The following NBEA variants were observed in gnomAD, a reference collection of about 807,000 sequenced individuals.
The protein encoded by NBEA is neurobeachin.
NBEA carries 44 observed loss-of-function variants against 343.4 expected under a neutral mutation model. The observed-to-expected ratio is 0.13, with a 90% confidence interval of 0.10 to 0.16. NBEA has a LOEUF of 0.16. NBEA is among the 10% of genes least tolerant of loss of function. The pLI is 1.00. For missense variants in NBEA, 2,555 were observed against 3,631.3 expected (o/e 0.70, Z 7.62); for synonymous variants, 1,175 against 1,238.7 (o/e 0.95, Z 1.08).
chr13:35,393,736 G>GT (rs1450092859), intron 38 of NBEA, among the ~76,000 whole-genome samples: 4 of 152,064 alleles, frequency 2.6e-5, no homozygotes, highest in Non-Finnish European at 5.9e-5. Context: ...TACAATTTTA[G>GT]TGTATGGTTT....
intron 10 of NBEA, among the ~76,000 whole-genome samples, chr13:35,084,533 A>G (rs1450999463): frequency 1.3e-5 from 2 of 152,196 alleles, no homozygotes; most frequent in Non-Finnish European, 1.5e-5. Flanking sequence ...TTTGAAACCA[A>G]CGAGGACAAA....
chr13:35,570,389 T>C (rs577390836), intron 45 of NBEA, among the ~76,000 whole-genome samples: 1 of 152,350 alleles, frequency 6.6e-6, no homozygotes, highest in East Asian at 1.9e-4. Flanking sequence ...GGCAGAGCTT[T>C]TCCTTTTGTG....
chr13:35,020,805 C>T (rs1032797641), intron 1 of NBEA, among the ~76,000 whole-genome samples: 52 of 152,228 alleles, frequency 3.4e-4, no homozygotes, highest in African/African-American at 1.1e-3. Flanking sequence ...AGGTATGAGC[C>T]ACTGTGCCTG....
In NBEA at chr13:35,465,555, C is replaced by T. The variant is rs1441426646; in HGVS notation, c.6449-6845C>T. Reference sequence around the variant, plus strand: ...CGATCATTAAATGATATCCCAGTGCCGTAAAAGAGTCAATACTCTTCCAGA... The same window carrying T: ...CGATCATTAAATGATATCCCAGTGCTGTAAAAGAGTCAATACTCTTCCAGA... On this transcript the variant is annotated intron_variant, in intron 40 of 58. Transcript: ENST00000379939. Among the ~76,000 whole-genome samples, 3 of 152,146 alleles carry T rather than the reference C, an allele frequency of 2.0e-5. 1 individual carries two copies. The highest frequency in any genetic ancestry group is 4.1e-4 in the South Asian group (2 of 4,824).
At chr13:35,128,985 T>C (rs1661272674) in intron 17 of NBEA, among the ~76,000 whole-genome samples, 1 of 147,408 alleles carries the variant, frequency 6.8e-6, no homozygotes, top group Non-Finnish European at 1.5e-5. Context: ...ATGTGGCTAT[T>C]AAGAGTTCAA....
At chr13:35,257,695 A>AT (rs2152794970) in intron 34 of NBEA, among the ~76,000 whole-genome samples, 1 of 152,338 alleles carries the variant, frequency 6.6e-6, no homozygotes, top group South Asian at 2.1e-4. Context: ...TTTGAAAATC[A>AT]TTCTTAAAAA....
At chr13:35,376,542 A>T (rs572804578) in intron 38 of NBEA, among the ~76,000 whole-genome samples, 101 of 152,284 alleles carry the variant, frequency 6.6e-4, no homozygotes, top group South Asian at 2.3e-3. Context: ...TGGTGTCATG[A>T]TGCCCCTTTA....
At position 35,437,820 on chromosome 13, in the gene NBEA, A is replaced by C. The variant is rs2045522530; in HGVS notation, c.6304+5427A>C. Reference sequence around the variant, plus strand: ...CTAATAGGGAAATGATTGAAAAAGGAGGGTTTTGTATATTGTTTATATATT... The same window carrying C: ...CTAATAGGGAAATGATTGAAAAAGGCGGGTTTTGTATATTGTTTATATATT... On this transcript the variant is annotated intron_variant, in intron 39 of 58. Transcript: ENST00000379939. 2.0e-5 allele frequency among the ~76,000 whole-genome samples: 3 copies of C among 152,166 alleles called. No individual in the cohort carries two copies. In the South Asian group the frequency reaches 6.2e-4, roughly 32 times the overall value.
At chr13:35,151,325 A>G (rs1043381376) in intron 18 of NBEA, among the ~76,000 whole-genome samples, 3 of 151,848 alleles carry the variant, frequency 2.0e-5, no homozygotes, top group Non-Finnish European at 2.9e-5. Flanking sequence ...GGGTGGATCA[A>G]CTGAGGTTGG....
At chr13:35,372,634 A>C (rs988448237) in intron 38 of NBEA, among the ~76,000 whole-genome samples, 1 of 152,172 alleles carries the variant, frequency 6.6e-6, no homozygotes, top group Admixed American at 6.5e-5. Flanking sequence ...TGCAGCACCC[A>C]TAAGCAGGGA....
At chr13:35,064,424 A>C (rs1391004492) in intron 8 of NBEA, among the ~76,000 whole-genome samples, 1 of 152,104 alleles carries the variant, frequency 6.6e-6, no homozygotes. Flanking sequence ...ACAGGATAAT[A>C]GATTAGAAAA....
chr13:35,241,045 A>G (rs1258387925), intron 34 of NBEA, among the ~76,000 whole-genome samples: 4 of 151,844 alleles, frequency 2.6e-5, no homozygotes, highest in African/African-American at 9.7e-5. Context: ...ATCACAAAAA[A>G]GTTATTTCAG....
intron 41 of NBEA, among the ~76,000 whole-genome samples, chr13:35,499,277 A>G (rs375941178): frequency 1.4e-4 from 21 of 152,084 alleles, no homozygotes; most frequent in Admixed American, 5.2e-4. Context: ...TGTTGACACC[A>G]CCTAACAAGC....
At chr13:35,281,358 A>G (rs1484518809) in intron 34 of NBEA, among the ~76,000 whole-genome samples, 1 of 152,118 alleles carries the variant, frequency 6.6e-6, no homozygotes, top group Non-Finnish European at 1.5e-5. Context: ...CTTGGATTAC[A>G]TTTGAGAATT....
chr13:34,995,826 C>T (rs1333733091), intron 1 of NBEA, among the ~76,000 whole-genome samples: 1 of 152,190 alleles, frequency 6.6e-6, no homozygotes, highest in Non-Finnish European at 1.5e-5. Context: ...TCAATGGCCT[C>T]CTGCAAATTT....
At chr13:35,201,418 G>A (rs185807471) in intron 31 of NBEA, among the ~76,000 whole-genome samples, 1 of 152,102 alleles carries the variant, frequency 6.6e-6, no homozygotes, top group African/African-American at 2.4e-5. Context: ...CATCATGAGA[G>A]CATTCACCTT....
intron 1 of NBEA, among the ~76,000 whole-genome samples, chr13:34,956,491 CAT>C (rs1465236117): frequency 1.4e-5 from 2 of 145,470 alleles, no homozygotes; most frequent in African/African-American, 5.1e-5. Flanking sequence ...ATATACATAA[CAT>C]ATAATTTATT....
intron 36 of NBEA, among the ~76,000 whole-genome samples, chr13:35,348,776 A>G (rs1056291533): frequency 6.6e-6 from 1 of 152,070 alleles, no homozygotes; most frequent in African/African-American, 2.4e-5. Context: ...CTTATCTGTG[A>G]AAAATTACCT....
At chr13:35,492,461 A>G (rs1298306718) in intron 41 of NBEA, among the ~76,000 whole-genome samples, 1 of 151,998 alleles carries the variant, frequency 6.6e-6, no homozygotes, top group Non-Finnish European at 1.5e-5. Context: ...AAGAAGCCAT[A>G]GAGGAGAGGT....
Sources: gnomAD v4.1 joint callset for allele counts (sites outside exome capture counted in the v4.1 genomes callset) on GRCh38, gnomAD v4.1.1 for gene constraint, MANE v1.5 for transcripts, NCBI Gene and HGNC (gene_info 2026-07-23, HGNC 2026-07-21) for gene names.